Variants in CNN1 observed in about 807,000 individuals in gnomAD.
The protein encoded by CNN1 is calponin-1.
Under a neutral mutation model 35.3 loss-of-function variants are expected in CNN1, and 21 were observed. The ratio of observed to expected loss-of-function variants is 0.60; its 90% CI spans 0.42 to 0.86. The LOEUF (loss-of-function observed/expected upper bound fraction) is 0.86. Among genes scored for constraint, CNN1 ranks in the 40% least tolerant of loss-of-function variants. The pLI, the probability that CNN1 is intolerant of heterozygous loss-of-function variation, is 0.00. For missense variants in CNN1, 314 were observed against 400.8 expected, an observed-to-expected ratio of 0.78 and a Z score of 1.85; for synonymous variants, 164 against 161.8, an observed-to-expected ratio of 1.01 and a Z score of -0.10.
At chr19:11,544,900 T>TA (rs2145036435) in intron 2 of CNN1, among the ~76,000 whole-genome samples, 1 of 151,872 alleles carries the variant, frequency 6.6e-6, no homozygotes, top group Admixed American at 6.6e-5. Flanking sequence ...TTGAACTGTT[T>TA]AAAAAAGGCC....
chr19:11,539,606 C>A, intron 1 of CNN1: 1 of 776,266 alleles, frequency 1.3e-6, no homozygotes, highest in Non-Finnish European at 1.9e-6. Context: ...CCCCCATACA[C>A]CAGGATGGGC....
Position 11,549,115 on chromosome 19 carries a change from A to G in CNN1, c.502-208A>G, listed in dbSNP as rs8111705. On this transcript the variant is annotated intron_variant, in intron 5 of 6. Coordinates refer to ENST00000252456, the MANE Select transcript of CNN1 (RefSeq NM_001299.6). The surrounding 1 kb of genome is among the most constrained non-coding windows in gnomAD (Gnocchi z 5.2). ...AGGCAGGAGAATTGCTTGAATGTGC[A>G]AGATGGAGATTTCAGTGAGCTGAGA... 0.86 allele frequency among the ~76,000 whole-genome samples: 129,661 copies of G among 151,484 alleles called. 55,804 individuals are homozygous for G. Among genetic ancestry groups the G allele is most frequent in the Middle Eastern group, 0.93 (272 of 294 alleles).
intron 1 of CNN1, 85 bp downstream of exon 1, chr19:11,539,075 G>A: frequency 8.1e-7 from 1 of 1,236,680 alleles, no homozygotes; most frequent in South Asian, 1.7e-5. Flanking sequence ...ACCCCCTCCT[G>A]CCTATCCTAT....
chr19:11,547,746 G>A (rs374758911), intron 4 of CNN1, 51 bp from the exon 5 acceptor site: 1 of 1,472,892 alleles, frequency 6.8e-7, no homozygotes. Context: ...CAAGGGGACT[G>A]TGCAGCCTGG....
chr19:11,546,316 G>A (rs1972580435), intron 2 of CNN1, among the ~76,000 whole-genome samples: 1 of 152,012 alleles, frequency 6.6e-6, no homozygotes, highest in African/African-American at 2.4e-5. Flanking sequence ...CTGGGCTGGA[G>A]AGCGGGAGTG....
At chr19:11,541,443 T>C (rs13344273) in intron 2 of CNN1, among the ~76,000 whole-genome samples, 1,680 of 152,202 alleles carry the variant, frequency 0.011, 31 homozygotes, top group African/African-American at 0.039. Flanking sequence ...CCATGCTATA[T>C]AGGGTAGGCC....
In CNN1 at chr19:11,542,903, C is replaced by T. The variant is rs576478285; in HGVS notation, c.185+1706C>T. Among the ~76,000 whole-genome samples, 449 of 152,312 alleles carry T rather than the reference C, an allele frequency of 2.9e-3. 1 individual carries two copies. Among genetic ancestry groups the T allele is most frequent in the African/African-American group, 0.01 (432 of 41,568 alleles). ...TGCAATCTTAATGCATAGCAGGGCC[C>T]TAAACCCAGCCTGCGCCCGATCTGC... is the stretch of plus-strand genomic sequence containing the variant. On this transcript the variant is annotated intron_variant, in intron 2 of 6. Transcript: ENST00000252456.
At chr19:11,539,998 G>A in intron 1 of CNN1, 1 of 1,065,410 alleles carries the variant, frequency 9.4e-7, no homozygotes. Flanking sequence ...CTGGTGGCGT[G>A]GGGGGCGGCA....
intron 2 of CNN1, among the ~76,000 whole-genome samples, chr19:11,545,798 C>CA (rs1030710214): frequency 0.034 from 1,999 of 58,690 alleles, 34 homozygotes; most frequent in Non-Finnish European, 0.054. Context: ...CCCTCTCTAC[C>CA]AAAAAAAAAA....
At chr19:11,547,095 C>T (rs1972605957) in intron 4 of CNN1, 126 bp downstream of exon 4, 1 of 1,395,472 alleles carries the variant, frequency 7.2e-7, no homozygotes, top group Non-Finnish European at 9.9e-7. Flanking sequence ...GGAGCAGGTG[C>T]TGTCAACAGC....
chr19:11,539,549 C>A, intron 1 of CNN1: 2 of 1,097,890 alleles, frequency 1.8e-6, no homozygotes, highest in South Asian at 1.7e-5. Flanking sequence ...AGGCAAATAG[C>A]TGGGGTCCCA....
In CNN1 at chr19:11,549,488, G is replaced by A. The variant is rs769519375; in HGVS notation, c.648+19G>A. ...CAGCCAGGTGAGTGGGGGCCCCCGG[G>A]ACACGCCGTCAAGGCCCAGGACCCT... On this transcript the variant is annotated intron_variant, in intron 6 of 6. Transcript: ENST00000252456. The surrounding 1 kb of genome is among the most constrained non-coding windows in gnomAD (Gnocchi z 5.2). 6.2e-7 allele frequency: 1 copy of A among 1,612,588 alleles called. No homozygotes were observed. The highest frequency in any genetic ancestry group is 8.5e-7 in the Non-Finnish European group (1 of 1,179,012).
rs1043721742 is a variant in CNN1, at chr19:11,549,657, C to T, written c.756C>T (p.Gly252=). The T allele has an allele frequency of 2.0e-5, 33 of 1,613,650 alleles. No homozygotes were observed. Among genetic ancestry groups the T allele is most frequent in the Middle Eastern group, 1.6e-4 (1 of 6,080 alleles). Residue 252 remains glycine, a synonymous_variant, in exon 7 of 7, where the codon GGC becomes GGT. Coordinates refer to ENST00000252456, the MANE Select transcript of CNN1 (RefSeq NM_001299.6). This position sits in a 1 kb window ranked among gnomAD's most constrained non-coding sequence, Gnocchi z 5.2. ...NVSLQMGSNK[G]ASQRGMTVYG... is the part of the protein sequence containing the mutation. ...GCCTGCAGATGGGCAGCAACAAGGGCGCCTCGCAGCGGGGCATGACGGTGT... is the reference window on the plus strand; with the variant it reads ...GCCTGCAGATGGGCAGCAACAAGGGTGCCTCGCAGCGGGGCATGACGGTGT...
rs1972593864 is a variant in CNN1, at chr19:11,546,717, T to C, written c.228T>C (p.Asn76=). 2 of 1,614,154 alleles carry C rather than the reference T, an allele frequency of 1.2e-6. No homozygotes were observed. Among genetic ancestry groups the C allele is most frequent in the East Asian group, 2.2e-5 (1 of 44,876 alleles). Residue 76 remains asparagine (N), a synonymous_variant, in exon 3 of 7, where the codon AAT becomes AAC. Coordinates refer to ENST00000252456, the MANE Select transcript of CNN1 (RefSeq NM_001299.6). ...AGCCAGGCTCCGTGAAGAAGATCAATGAGTCAACCCAAAATTGGCACCAGG... is the reference window on the plus strand; with the variant it reads ...AGCCAGGCTCCGTGAAGAAGATCAACGAGTCAACCCAAAATTGGCACCAGG... ...KLQPGSVKKI[N]ESTQNWHQLE...
At position 11,546,402 on chromosome 19, in the gene CNN1, G is replaced by A. The variant is rs189416962; in HGVS notation, c.186-273G>A. Among the ~76,000 whole-genome samples the A allele has an allele frequency of 1.8e-4, 27 of 148,648 alleles. No individual in the cohort carries two copies. The East Asian group carries it at 4.4e-3, about 24-fold the overall frequency. On this transcript the variant is annotated intron_variant, in intron 2 of 6. Coordinates refer to ENST00000252456, the MANE Select transcript of CNN1 (RefSeq NM_001299.6). ...TGTCCCCAAGCTGGAATGCAGTGCT[G>A]CAATCTCAGCTCACTGCAACCTCCG...
At chr19:11,540,799 G>T (rs1972444532) in intron 1 of CNN1, 1 of 330,620 alleles carries the variant, frequency 3.0e-6, no homozygotes, top group Non-Finnish European at 5.5e-6. Flanking sequence ...CTAGCTCAGA[G>T]GATCCAGCTC....
intron 2 of CNN1, among the ~76,000 whole-genome samples, chr19:11,542,849 T>C (rs993215357): frequency 1.1e-4 from 16 of 152,092 alleles, no homozygotes; most frequent in Non-Finnish European, 1.5e-4. Context: ...GCTGGGATTA[T>C]AGGCGTGAGC....
intron 1 of CNN1, chr19:11,540,149 GGA>G: frequency 8.2e-5 from 61 of 744,500 alleles, no homozygotes; most frequent in Non-Finnish European, 8.6e-5. Flanking sequence ...GTGGAGTGGG[GGA>G]GGGGGGGGAC....
intron 2 of CNN1, among the ~76,000 whole-genome samples, chr19:11,545,881 G>T (rs532996838): frequency 6.6e-6 from 1 of 151,032 alleles, no homozygotes; most frequent in South Asian, 2.1e-4. Flanking sequence ...TGGGAGGATC[G>T]CTGGAGCCTG....
Sources: allele counts gnomAD v4.1 joint callset (sites outside exome capture counted in the v4.1 genomes callset), GRCh38; gene constraint gnomAD v4.1.1; non-coding constraint Gnocchi (gnomAD v3.1); transcripts MANE v1.5; gene names NCBI Gene and HGNC (gene_info 2026-07-23, HGNC 2026-07-21).